CDON: variants seen among roughly 807,000 people sequenced by gnomAD.
The protein encoded by CDON is cell adhesion molecule-related/down-regulated by oncogenes.
Under a neutral mutation model 120.9 loss-of-function variants are expected in CDON, and 73 were observed. That is an observed-to-expected ratio of 0.60 (90% CI 0.50 to 0.73). The LOEUF (loss-of-function observed/expected upper bound fraction) is 0.73, where lower values mean the gene tolerates loss of function less well. Among genes scored for constraint, CDON ranks in the 30% least tolerant of loss-of-function variants. CDON has a pLI of 0.00. For synonymous variants in CDON, 566 were observed against 573.5 expected, an observed-to-expected ratio of 0.99 and a Z score of 0.19; for missense variants, 1,470 against 1,587.3, an observed-to-expected ratio of 0.93 and a Z score of 1.26.
chr11:126,017,462 C>A (rs2134671721), intron 5 of CDON, 87 bp from the exon 6 acceptor site: 2 of 1,287,940 alleles, frequency 1.6e-6, no homozygotes, highest in South Asian at 1.2e-5. Flanking sequence ...CACCATTTTC[C>A]CATGTATTCT....
At chr11:126,057,255 C>T (rs1948702231) in intron 1 of CDON, among the ~76,000 whole-genome samples, 1 of 152,144 alleles carries the variant, frequency 6.6e-6, no homozygotes, top group African/African-American at 2.4e-5. Flanking sequence ...CCCCCAAAGA[C>T]TGTGTATCCA....
chr11:125,977,731 T>G (rs1946185495), intron 18 of CDON, among the ~76,000 whole-genome samples: 1 of 152,182 alleles, frequency 6.6e-6, no homozygotes, highest in Non-Finnish European at 1.5e-5. Flanking sequence ...CTCTCCATAT[T>G]TCTATCTTGT....
At chr11:126,001,873 A>G in intron 10 of CDON, 23 bp from the exon 11 acceptor site, 6 of 1,546,900 alleles carry the variant, frequency 3.9e-6, no homozygotes, top group Non-Finnish European at 4.5e-6. Flanking sequence ...ATAAACATAT[A>G]CAGTAACATA....
At chr11:126,056,308 T>C (rs1948679048) in intron 1 of CDON, among the ~76,000 whole-genome samples, 1 of 152,190 alleles carries the variant, frequency 6.6e-6, no homozygotes, top group Non-Finnish European at 1.5e-5. Flanking sequence ...TGTATCACTA[T>C]TTCAACGCTC....
rs182028128 is a variant in CDON, at chr11:126,021,510, A to C, written c.87T>G (p.Pro29=). The change falls in exon 3 of 20, where the codon CCT becomes CCG. Residue 29 remains proline, a synonymous_variant. Transcript: ENST00000531738. The part of the protein sequence containing the change: ...LCSSVSSDLA[P]YFTSEPLSAV... Reference sequence around the variant, plus strand: ...CAGAGAGCGGCTCAGAAGTAAAATAAGGTGCCAAGTCTACAAGGGAATATT... The same window carrying C: ...CAGAGAGCGGCTCAGAAGTAAAATACGGTGCCAAGTCTACAAGGGAATATT... The C allele has an allele frequency of 3.3e-5, 53 of 1,614,036 alleles. No individual in the cohort carries two copies. The highest frequency in any genetic ancestry group is 5.0e-5 in the Admixed American group (3 of 60,016).
rs11220323 is a variant in CDON, at chr11:126,045,060, C to T, written c.-62+17519G>A. Among the ~76,000 whole-genome samples the T allele has an allele frequency of 8.0e-3, 1,223 of 152,234 alleles. 22 individuals are homozygous for T. The highest frequency in any genetic ancestry group is 0.025 in the African/African-American group (1,035 of 41,540). On this transcript the variant is annotated intron_variant, in intron 1 of 19. Transcript: ENST00000531738. ...ATAGAGAGAGAGACGGAGTCTTGCT[C>T]CGTCGCCCAGGCTGGAGTGCAGTGG... is the stretch of plus-strand genomic sequence containing the variant.
At chr11:126,032,070 A>C (rs1947959203) in intron 1 of CDON, among the ~76,000 whole-genome samples, 1 of 152,204 alleles carries the variant, frequency 6.6e-6, no homozygotes, top group Non-Finnish European at 1.5e-5. Flanking sequence ...TTCCATGAAA[A>C]GCAATAGACA....
At chr11:125,971,411 T>TAAATAAATAAATAAATAAATAAATA (rs11404576) in intron 18 of CDON, among the ~76,000 whole-genome samples, 2 of 148,948 alleles carry the variant, frequency 1.3e-5, no homozygotes, top group Admixed American at 6.7e-5. Context: ...AATAAATAAA[T>TAAATAAATAAATAAATAAATAAATA]AATAATAATT....
chr11:125,995,200 T>C, intron 12 of CDON, 148 bp from the exon 13 acceptor site: 2 of 731,466 alleles, frequency 2.7e-6, no homozygotes. Flanking sequence ...GCCTGTATGG[T>C]AAATAGATTT....
intron 1 of CDON, among the ~76,000 whole-genome samples, chr11:126,029,664 G>A (rs997534869): frequency 2.6e-5 from 4 of 152,018 alleles, no homozygotes; most frequent in African/African-American, 7.2e-5. Context: ...CAGAAGTGAC[G>A]GGCTCATCGA....
At chr11:126,044,579 A>G (rs148870394) in intron 1 of CDON, among the ~76,000 whole-genome samples, 1 of 152,346 alleles carries the variant, frequency 6.6e-6, no homozygotes, top group East Asian at 1.9e-4. Flanking sequence ...AAATCTTGTC[A>G]TTTGCAAAAA....
Position 125,981,038 on chromosome 11 carries a change from A to T in CDON, c.3276+11T>A. 1 of 1,613,898 alleles carries T rather than the reference A, an allele frequency of 6.2e-7. No homozygotes were observed. On this transcript the variant is annotated intron_variant, in intron 17 of 19. Coordinates refer to ENST00000531738, the MANE Select transcript of CDON (RefSeq NM_001378964.1). ...GACAGAGGGGCTTTTATTTATAGTTAGGTCTCTTACATTCACTAGATGATG... is the reference window on the plus strand; with the variant it reads ...GACAGAGGGGCTTTTATTTATAGTTTGGTCTCTTACATTCACTAGATGATG...
chr11:126,035,829 C>T (rs1466530441), intron 1 of CDON, among the ~76,000 whole-genome samples: 2 of 152,076 alleles, frequency 1.3e-5, no homozygotes, highest in Non-Finnish European at 2.9e-5. Context: ...TCTTTGTAAA[C>T]ATAACACAAC....
chr11:126,059,160 A>T (rs1208783578), intron 1 of CDON, among the ~76,000 whole-genome samples: 1 of 152,272 alleles, frequency 6.6e-6, no homozygotes, highest in African/African-American at 2.4e-5. Context: ...ACGATACATC[A>T]GCCTTTACAG....
intron 1 of CDON, among the ~76,000 whole-genome samples, chr11:126,045,227 C>T (rs1035254776): frequency 2.0e-5 from 3 of 152,150 alleles, no homozygotes; most frequent in African/African-American, 7.2e-5. Context: ...GGAGTTTCAC[C>T]ATGTTGGCCA....
chr11:125,996,749 T>C (rs959220925), intron 12 of CDON, among the ~76,000 whole-genome samples: 17 of 120,094 alleles, frequency 1.4e-4, no homozygotes, highest in Non-Finnish European at 2.7e-4. Flanking sequence ...CAACGAAATA[T>C]AAACAATGAT....
rs1485383453 is a variant in CDON, at chr11:126,062,849, G to C, written c.-332C>G. 1 of 151,764 alleles carries C rather than the reference G, an allele frequency of 6.6e-6. No individual in the cohort carries two copies. The highest frequency in any genetic ancestry group is 1.5e-5 in the Non-Finnish European group (1 of 67,944). The allele number at this position is 151,764 out of a possible 1,614,324, so 9.4% of individuals were successfully genotyped here. A position where few individuals can be genotyped will look rare whatever the true frequency, so the allele number is the denominator to read the frequency against. ...CCGGGCTCCCGGGCTCAGGGGAGGG[G>C]AGCTGAGGGGCGGAGTCACCGGGGC... On this transcript the variant is annotated 5_prime_UTR_variant, in exon 1 of 20. Transcript: ENST00000531738.
intron 1 of CDON, among the ~76,000 whole-genome samples, chr11:126,041,902 G>A (rs1948273221): frequency 6.6e-6 from 1 of 151,846 alleles, no homozygotes; most frequent in South Asian, 2.1e-4. Context: ...TATTTTTTTT[G>A]AGACAGAGTT....
intron 3 of CDON, among the ~76,000 whole-genome samples, chr11:126,020,789 T>C (rs535353702): frequency 6.6e-6 from 1 of 152,292 alleles, no homozygotes; most frequent in East Asian, 1.9e-4. Flanking sequence ...TTCAATTAAA[T>C]ATATTAAAAT....
Sources: gnomAD v4.1 joint callset for allele counts (sites outside exome capture counted in the v4.1 genomes callset) on GRCh38, gnomAD v4.1.1 for gene constraint, MANE v1.5 for transcripts, NCBI Gene and HGNC (gene_info 2026-07-23, HGNC 2026-07-21) for gene names.